SLIT1: variants seen among roughly 807,000 people sequenced by gnomAD.
The protein encoded by SLIT1 is slit guidance ligand 1.
Under a neutral mutation model 186.1 loss-of-function variants are expected in SLIT1, and 66 were observed. That is an observed-to-expected ratio of 0.35 (90% CI 0.29 to 0.44). The LOEUF (loss-of-function observed/expected upper bound fraction) is 0.44, where lower values mean the gene tolerates loss of function less well. Ranked by LOEUF, SLIT1 falls within the 20% of genes least tolerant of loss-of-function variation. SLIT1 has a pLI of 1.00. For synonymous variants in SLIT1, 761 were observed against 833.8 expected (o/e 0.91, Z 1.50); for missense variants, 1,638 against 2,037.4 (o/e 0.80, Z 3.77).
chr10:97,064,999 ATATG>A lies in SLIT1; in HGVS notation c.486-127_486-124del, dbSNP rs763553454. ...GCACCCCTAGCCGTTTGTTATGTGT[ATATG>A]TGTCAATCCAAATAGCGAACATTAG... is the stretch of plus-strand genomic sequence containing the variant. On this transcript the variant is annotated intron_variant, in intron 5 of 36. Coordinates refer to ENST00000266058, the MANE Select transcript of SLIT1 (RefSeq NM_003061.3). The A allele has an allele frequency of 5.7e-4, 326 of 572,844 alleles. 1 individual carries two copies. Among genetic ancestry groups the A allele is most frequent in the Admixed American group, 2.1e-3 (67 of 32,116 alleles). The allele number at this position is 572,844 out of a possible 1,614,324, so 35.5% of individuals were successfully genotyped here.
Position 97,004,604 on chromosome 10 carries a change from C to G in SLIT1, c.3710+89G>C. Reference sequence around the variant, plus strand: ...TCAGGCAGCCCAGGTTTCTAGAGGTCTCGATAACCACCTGCTTTTGGCCCA... The same window carrying G: ...TCAGGCAGCCCAGGTTTCTAGAGGTGTCGATAACCACCTGCTTTTGGCCCA... On this transcript the variant is annotated intron_variant, in intron 33 of 36. Transcript: ENST00000266058. This position sits in a 1 kb window ranked among gnomAD's most constrained non-coding sequence, Gnocchi z 5.1. The G allele has an allele frequency of 6.6e-7, 1 of 1,512,528 alleles. No individual in the cohort carries two copies. The highest frequency in any genetic ancestry group is 9.1e-7 in the Non-Finnish European group (1 of 1,098,814). 93.7% of individuals were successfully genotyped at this position (1,512,528 alleles called of 1,614,324 possible).
chr10:97,166,567 GAGAGAAAGAA>G (rs1248068358), intron 1 of SLIT1, among the ~76,000 whole-genome samples: 1 of 73,926 alleles, frequency 1.4e-5, no homozygotes, highest in African/African-American at 4.9e-5. Flanking sequence ...AAGAGAGAGA[GAGAGAAAGAA>G]AGAAAGAAAG....
In SLIT1 at chr10:97,040,104, GC is replaced by G; in HGVS notation, c.2180del (p.Gly727AlafsTer65). The stretch of plus-strand genomic sequence containing the variant: ...GTGGGCACTGTGGGCGGGGCAGGCA[GC>G]CCCCCTCCTCCTGGCCTAGGGAAGA... ...FRCEEGQEEG[G>X]CLPRPQCPQE... On this transcript the variant is annotated frameshift_variant, in exon 21 of 37. Coordinates refer to ENST00000266058, the MANE Select transcript of SLIT1 (RefSeq NM_003061.3). LOFTEE classifies it high-confidence loss of function. The G allele has an allele frequency of 6.3e-7, 1 of 1,583,384 alleles. No homozygotes were observed. Among genetic ancestry groups the G allele is most frequent in the Non-Finnish European group, 8.6e-7 (1 of 1,165,446 alleles).
chr10:97,163,382 C>T lies in SLIT1; in HGVS notation c.339G>A (p.Arg113=), dbSNP rs149947838. The change falls in exon 3 of 37, where the codon CGG becomes CGA. Residue 113 remains arginine, a splice_region_variant and synonymous_variant. Coordinates refer to ENST00000266058, the MANE Select transcript of SLIT1 (RefSeq NM_003061.3). ...GCCTGCACCCTGCCAGGACTCACAGCCGCTCCAGCTCCTTCATGTCATCAA... is the reference window on the plus strand; with the variant it reads ...GCCTGCACCCTGCCAGGACTCACAGTCGCTCCAGCTCCTTCATGTCATCAA... ...GAFDDMKELE[R]LRLNRNQLHM... 1.2e-6 allele frequency: 2 copies of T among 1,613,962 alleles called. No homozygotes were observed. The highest frequency in any genetic ancestry group is 2.2e-5 in the East Asian group (1 of 44,874).
chr10:97,057,184 C>T (rs1187667718), intron 12 of SLIT1, 26 bp downstream of exon 12: 2 of 1,600,408 alleles, frequency 1.2e-6, no homozygotes, highest in Non-Finnish European at 8.6e-7. Flanking sequence ...TGGGTCCCAC[C>T]CAAGACACCC....
intron 30 of SLIT1, among the ~76,000 whole-genome samples, chr10:97,013,323 G>C (rs1589362789): frequency 6.6e-6 from 1 of 152,290 alleles, no homozygotes; most frequent in East Asian, 1.9e-4. Context: ...GCTTTCCCGA[G>C]TTTTGTGGAT....
intron 4 of SLIT1, among the ~76,000 whole-genome samples, chr10:97,104,796 C>T (rs1301591392): frequency 6.6e-6 from 1 of 152,194 alleles, no homozygotes. Flanking sequence ...TCAAAGGCCA[C>T]CTTCTCCATG....
At chr10:97,100,604 C>T (rs1332885069) in intron 4 of SLIT1, among the ~76,000 whole-genome samples, 2 of 150,008 alleles carry the variant, frequency 1.3e-5, no homozygotes, top group Non-Finnish European at 3.0e-5. Context: ...CACTGCACTA[C>T]AGCCTGGGCA....
chr10:97,019,985 T>G (rs1848488689), intron 26 of SLIT1, among the ~76,000 whole-genome samples: 1 of 151,990 alleles, frequency 6.6e-6, no homozygotes, highest in Non-Finnish European at 1.5e-5. Context: ...TTCCTTTATT[T>G]TTTTTTTTAG....
chr10:97,018,137 G>A (rs1053521909), intron 28 of SLIT1, among the ~76,000 whole-genome samples: 3 of 152,098 alleles, frequency 2.0e-5, no homozygotes, highest in African/African-American at 7.2e-5. Flanking sequence ...GTGAGCCACC[G>A]AGCACGGCCT....
chr10:97,083,677 T>C (rs1372900856), intron 4 of SLIT1, among the ~76,000 whole-genome samples: 3 of 152,188 alleles, frequency 2.0e-5, no homozygotes, highest in African/African-American at 4.8e-5. Context: ...TCAGCCCCTG[T>C]CTGCGATGAA....
At chr10:97,142,796 A>C (rs540118688) in intron 4 of SLIT1, among the ~76,000 whole-genome samples, 1 of 152,340 alleles carries the variant, frequency 6.6e-6, no homozygotes, top group African/African-American at 2.4e-5. Flanking sequence ...AACCCAATTA[A>C]ATAGTAGGCA....
intron 16 of SLIT1, 86 bp from the exon 17 acceptor site, chr10:97,047,151 C>G: frequency 1.2e-6 from 1 of 867,836 alleles, no homozygotes; most frequent in Non-Finnish European, 1.9e-6. Context: ...GGGACTCAAA[C>G]AGAGAAGACT....
chr10:97,128,604 A>G (rs1301633248), intron 4 of SLIT1, among the ~76,000 whole-genome samples: 2 of 152,214 alleles, frequency 1.3e-5, no homozygotes, highest in Non-Finnish European at 2.9e-5. Flanking sequence ...CAGGATCCAC[A>G]GAAAGTATTG....
At chr10:97,119,939 A>ATATATG (rs1554852197) in intron 4 of SLIT1, among the ~76,000 whole-genome samples, 3 of 136,718 alleles carry the variant, frequency 2.2e-5, no homozygotes, top group Non-Finnish European at 4.8e-5. Context: ...ATATATATAT[A>ATATATG]TATATATGTA....
chr10:97,079,998 C>G (rs1189504411), intron 4 of SLIT1, among the ~76,000 whole-genome samples: 1 of 151,962 alleles, frequency 6.6e-6, no homozygotes, highest in African/African-American at 2.4e-5. Flanking sequence ...TTGCAGGAAG[C>G]AATGAGGGTA....
At chr10:97,002,434 GC>G in intron 35 of SLIT1, 65 bp from the exon 36 acceptor site, 1 of 1,291,522 alleles carries the variant, frequency 7.7e-7, no homozygotes. Flanking sequence ...GACACAGCCC[GC>G]CCCACCTGAC....
At chr10:97,030,641 G>T in intron 25 of SLIT1, 116 bp downstream of exon 25, 1 of 852,590 alleles carries the variant, frequency 1.2e-6, no homozygotes, top group Non-Finnish European at 2.0e-6. Context: ...AAGTTCCCAA[G>T]CTTAATTTCA....
Position 97,043,601 on chromosome 10 carries a change from G to A in SLIT1, c.1854-88C>T, listed in dbSNP as rs1346676444. On this transcript the variant is annotated intron_variant, in intron 18 of 36. Transcript: ENST00000266058. This position sits in a 1 kb window ranked among gnomAD's most constrained non-coding sequence, Gnocchi z 7.0. ...CACGCAGCTTCCGCCATCGTGGCTC[G>A]TTCACAGTTCTCCTCCATAGGCTGC... The A allele has an allele frequency of 1.3e-5, 16 of 1,249,554 alleles. No individual in the cohort carries two copies. Among genetic ancestry groups the A allele is most frequent in the East Asian group, 4.7e-5 (2 of 42,328 alleles). The allele number at this position is 1,249,554 out of a possible 1,614,324, so 77.4% of individuals were successfully genotyped here.
Sources: gnomAD v4.1 joint callset for allele counts (sites outside exome capture counted in the v4.1 genomes callset) on GRCh38, gnomAD v4.1.1 for gene constraint, Gnocchi (gnomAD v3.1) non-coding constraint, MANE v1.5 for transcripts, NCBI Gene and HGNC (gene_info 2026-07-23, HGNC 2026-07-21) for gene names.